Variants in AK5 observed in about 807,000 individuals in gnomAD.
The protein encoded by AK5 is adenylate kinase 5.
A neutral mutation model predicts 69.5 loss-of-function variants in AK5; 27 were observed. The ratio of observed to expected loss-of-function variants is 0.39; its 90% CI spans 0.29 to 0.54. The LOEUF (loss-of-function observed/expected upper bound fraction) is 0.54, where lower values mean the gene tolerates loss of function less well. AK5 is among the 20% of genes least tolerant of loss of function. The probability of loss-of-function intolerance (pLI) is 0.71; values close to 1 mark genes in which losing one functional copy is unlikely to be tolerated. For missense variants in AK5, 531 were observed against 700.4 expected, an observed-to-expected ratio of 0.76 and a Z score of 2.73; for synonymous variants, 260 against 244.4, an observed-to-expected ratio of 1.06 and a Z score of -0.60.
chr1:77,381,383 A>G (rs1344968183), intron 6 of AK5, among the ~76,000 whole-genome samples: 1 of 152,170 alleles, frequency 6.6e-6, no homozygotes, highest in Admixed American at 6.5e-5. Context: ...AATCTATGAT[A>G]TTTTGTTATA....
chr1:77,481,391 A>G (rs953862777), intron 8 of AK5, among the ~76,000 whole-genome samples: 28 of 152,168 alleles, frequency 1.8e-4, no homozygotes, highest in African/African-American at 6.5e-4. Context: ...GGAATAATTG[A>G]TGTTTTTTCT....
intron 6 of AK5, among the ~76,000 whole-genome samples, chr1:77,407,936 T>G (rs1177923963): frequency 1.3e-5 from 2 of 152,192 alleles, no homozygotes; most frequent in Admixed American, 6.5e-5. Flanking sequence ...TCCAGATGCT[T>G]CCATGTTGCT....
intron 8 of AK5, among the ~76,000 whole-genome samples, chr1:77,470,861 ATATATATATATATATTTTT>A (rs1654451258): frequency 1.1e-3 from 2 of 1,768 alleles, no homozygotes; most frequent in East Asian, 0.024. Context: ...ATATATATAT[ATATATATATATATATTTTT>A]TTTTTTTTTT....
At chr1:77,361,525 T>G (rs911669418) in intron 6 of AK5, among the ~76,000 whole-genome samples, 1 of 152,174 alleles carries the variant, frequency 6.6e-6, no homozygotes, top group African/African-American at 2.4e-5. Context: ...AAGCAACTTA[T>G]ACAAAGTTTG....
intron 10 of AK5, among the ~76,000 whole-genome samples, chr1:77,493,876 A>G (rs1656145603): frequency 6.6e-6 from 1 of 152,232 alleles, no homozygotes; most frequent in Admixed American, 6.5e-5. Context: ...GTGACAATGA[A>G]CCTACTTAAT....
At chr1:77,557,797 C>CT (rs34563024) in intron 13 of AK5, among the ~76,000 whole-genome samples, 1 of 152,124 alleles carries the variant, frequency 6.6e-6, no homozygotes, top group South Asian at 2.1e-4. Context: ...ATAGACTTTC[C>CT]TTTTTAGAGA....
chr1:77,479,698 A>G (rs1180924755), intron 8 of AK5, among the ~76,000 whole-genome samples: 1 of 152,178 alleles, frequency 6.6e-6, no homozygotes, highest in Non-Finnish European at 1.5e-5. Context: ...ATCCCACTTC[A>G]TGTACCTCAA....
Position 77,438,312 on chromosome 1 carries a change from A to C in AK5, c.1059+20597A>C, listed in dbSNP as rs866845646. 5.6e-4 allele frequency among the ~76,000 whole-genome samples: 82 copies of C among 147,200 alleles called. 1 individual carries two copies. The highest frequency in any genetic ancestry group is 1.8e-3 in the African/African-American group (74 of 40,378). On this transcript the variant is annotated intron_variant, in intron 8 of 13. Coordinates refer to ENST00000354567, the MANE Select transcript of AK5 (RefSeq NM_174858.3). ...TTTGGTACAAAAAAAAAAAAAAAAA[A>C]AAAAAAAAAAAACAAGCTTGGGGAG...
At chr1:77,507,133 G>T (rs536264751) in intron 10 of AK5, among the ~76,000 whole-genome samples, 1 of 152,352 alleles carries the variant, frequency 6.6e-6, no homozygotes, top group African/African-American at 2.4e-5. Context: ...TAAGTCTCAT[G>T]CAGGATTTGA....
At chr1:77,356,952 A>G (rs1662559763) in intron 6 of AK5, among the ~76,000 whole-genome samples, 1 of 152,158 alleles carries the variant, frequency 6.6e-6, no homozygotes, top group African/African-American at 2.4e-5. Context: ...CAACTATAAA[A>G]GCCCTTCAGA....
At chr1:77,426,448 A>G (rs1651215862) in intron 8 of AK5, among the ~76,000 whole-genome samples, 2 of 152,234 alleles carry the variant, frequency 1.3e-5, no homozygotes. Flanking sequence ...CTTAATGTGT[A>G]TGTGCCTAAC....
In AK5 at chr1:77,550,548, C is replaced by G. The variant is rs116475092; in HGVS notation, c.1621-8054C>G. 6.8e-3 allele frequency among the ~76,000 whole-genome samples: 1,042 copies of G among 152,252 alleles called. 19 individuals carry two copies. The highest frequency in any genetic ancestry group is 0.024 in the African/African-American group (1,001 of 41,534). ...AGTAAGCTGATTGTGCAGGATTGTT[C>G]TCTGTTTGCTAAGGACATTAAACAC... On this transcript the variant is annotated intron_variant, in intron 13 of 13. Coordinates refer to ENST00000354567, the MANE Select transcript of AK5 (RefSeq NM_174858.3).
chr1:77,455,996 G>A (rs773483347), intron 8 of AK5, among the ~76,000 whole-genome samples: 7 of 152,186 alleles, frequency 4.6e-5, no homozygotes. Flanking sequence ...TCATTTAAAT[G>A]TGAAGGAAAT....
intron 7 of AK5, among the ~76,000 whole-genome samples, chr1:77,412,599 C>T (rs763716998): frequency 6.6e-5 from 10 of 152,162 alleles, no homozygotes; most frequent in Non-Finnish European, 1.5e-4. Context: ...AGGAAACTGT[C>T]GCTGTTAAGG....
chr1:77,542,116 C>T (rs1212422001), intron 13 of AK5, among the ~76,000 whole-genome samples: 4 of 152,006 alleles, frequency 2.6e-5, no homozygotes, highest in East Asian at 1.9e-4. Flanking sequence ...ATCACAAGGT[C>T]GGCAGTTCGA....
At chr1:77,397,463 C>G (rs966435456) in intron 6 of AK5, among the ~76,000 whole-genome samples, 1 of 152,192 alleles carries the variant, frequency 6.6e-6, no homozygotes, top group Non-Finnish European at 1.5e-5. Context: ...GTCCACTTCT[C>G]CAACAGGGGG....
chr1:77,538,246 G>A (rs1659075226), intron 13 of AK5, among the ~76,000 whole-genome samples: 1 of 151,882 alleles, frequency 6.6e-6, no homozygotes, highest in African/African-American at 2.4e-5. Flanking sequence ...GACTGAAATG[G>A]GAGGATCACT....
In AK5 at chr1:77,483,321, A is replaced by G; in HGVS notation, c.1064A>G (p.Asp355Gly). Residue 355 changes from aspartate (D) to glycine (G), a missense_variant, in exon 9 of 14, where the codon GAT becomes GGT. Transcript: ENST00000354567. ...DTGSDYEDQG[D>G]DQLNVFGEDT... ...ATATTGTGATTTTTTTAACAGGGTG[A>G]TGACCAGTTAAATGTATTTGGAGAG... 1 of 1,610,630 alleles carries G rather than the reference A, an allele frequency of 6.2e-7. No homozygotes were observed. The highest frequency in any genetic ancestry group is 8.5e-7 in the Non-Finnish European group (1 of 1,176,834).
At chr1:77,283,196 C>T in intron 1 of AK5, 1 of 985,430 alleles carries the variant, frequency 1.0e-6, no homozygotes, top group Non-Finnish European at 1.2e-6. Flanking sequence ...CTGTTCTAAG[C>T]CACAACCCCT....
Sources: allele counts gnomAD v4.1 joint callset (sites outside exome capture counted in the v4.1 genomes callset), GRCh38; gene constraint gnomAD v4.1.1; transcripts MANE v1.5; gene names NCBI Gene and HGNC (gene_info 2026-07-23, HGNC 2026-07-21).